DISP1: variants seen among roughly 807,000 people sequenced by gnomAD.
The protein encoded by DISP1 is protein dispatched homolog 1.
DISP1 carries 30 observed loss-of-function variants against 37.3 expected under a neutral mutation model. The ratio of observed to expected loss-of-function variants is 0.80; its 90% confidence interval spans 0.60 to 1.09. The LOEUF (loss-of-function observed/expected upper bound fraction) is 1.09. Among genes scored for constraint, DISP1 ranks in the 50% least tolerant of loss-of-function variants. DISP1 has a pLI of 0.00. For synonymous variants in DISP1, 634 were observed against 690.2 expected, an observed-to-expected ratio of 0.92 and a Z score of 1.28; for missense variants, 1,598 against 1,879.5, an observed-to-expected ratio of 0.85 and a Z score of 2.77.
At chr1:222,997,856 C>T (rs1679182602) in intron 8 of DISP1, among the ~76,000 whole-genome samples, 1 of 152,050 alleles carries the variant, frequency 6.6e-6, no homozygotes, top group African/African-American at 2.4e-5. Context: ...GAGAAACAGA[C>T]TCAAGACATG....
At chr1:222,999,105 G>T (rs530932832) in intron 8 of DISP1, among the ~76,000 whole-genome samples, 1 of 152,100 alleles carries the variant, frequency 6.6e-6, no homozygotes, top group African/African-American at 2.4e-5. Flanking sequence ...ACTCTCTGCT[G>T]GTTTCTTCTT....
intron 2 of DISP1, among the ~76,000 whole-genome samples, chr1:222,932,515 A>G (rs1419390054): frequency 1.3e-5 from 2 of 151,978 alleles, no homozygotes; most frequent in African/African-American, 4.8e-5. Context: ...ATTTTTTTAA[A>G]GTGACCATTG....
At chr1:222,930,829 G>C (rs1320802349) in intron 2 of DISP1, among the ~76,000 whole-genome samples, 2 of 152,010 alleles carry the variant, frequency 1.3e-5, no homozygotes, top group African/African-American at 4.8e-5. Context: ...ATTCAAGTAA[G>C]AATAAAGTCT....
At position 223,002,928 on chromosome 1, in the gene DISP1, A is replaced by G. The variant is rs758853373; in HGVS notation, c.1531A>G (p.Ile511Val). The change falls in exon 9 of 9, where the codon ATT becomes GTT. Residue 511 changes from isoleucine to valine, a missense_variant. Physicochemically the swap from Ile to Val is conservative, Grantham distance 29. Coordinates refer to ENST00000675850, the MANE Select transcript of DISP1 (RefSeq NM_001377229.1). ...LMDTVYPAIA[I>V]VIVLLVMCVY... ...GGATACTGTGTATCCTGCCATAGCC[A>G]TTGTGATTGTCCTTTTAGTTATGTG... 13 of 1,613,888 alleles carry G rather than the reference A, an allele frequency of 8.1e-6. 1 individual carries two copies. In the South Asian group the frequency reaches 1.4e-4, roughly 18 times the overall value.
intron 5 of DISP1, 129 bp downstream of exon 5, chr1:222,990,877 G>C: frequency 7.9e-7 from 1 of 1,271,918 alleles, no homozygotes; most frequent in Non-Finnish European, 1.1e-6. Flanking sequence ...TTCTCTTTCT[G>C]AAAAGTAAAG....
chr1:222,868,131 G>A (rs74468468), intron 1 of DISP1, among the ~76,000 whole-genome samples: 3,137 of 151,966 alleles, frequency 0.021, 94 homozygotes, highest in African/African-American at 0.065. Context: ...GACTATAGTC[G>A]CAGCTACTTG....
At chr1:222,972,839 G>A (rs1677058529) in intron 3 of DISP1, among the ~76,000 whole-genome samples, 1 of 151,992 alleles carries the variant, frequency 6.6e-6, no homozygotes, top group South Asian at 2.1e-4. Flanking sequence ...ATATTTTCCT[G>A]GCAAATTGTC....
At chr1:222,881,487 C>T (rs1670278013) in intron 1 of DISP1, among the ~76,000 whole-genome samples, 1 of 152,166 alleles carries the variant, frequency 6.6e-6, no homozygotes. Flanking sequence ...TGAGCCACCG[C>T]CGCTGGCCTA....
At chr1:222,975,499 A>G (rs1297758401) in intron 3 of DISP1, among the ~76,000 whole-genome samples, 1 of 152,232 alleles carries the variant, frequency 6.6e-6, no homozygotes, top group Non-Finnish European at 1.5e-5. Context: ...AAAGAAACAG[A>G]CAATTTGGAG....
intron 1 of DISP1, among the ~76,000 whole-genome samples, chr1:222,923,956 A>C (rs936179775): frequency 2.0e-5 from 3 of 152,296 alleles, no homozygotes; most frequent in Admixed American, 6.5e-5. Flanking sequence ...GACATGGATA[A>C]AGACTCTAGA....
At chr1:222,919,341 G>T (rs557004984) in intron 1 of DISP1, among the ~76,000 whole-genome samples, 1 of 150,074 alleles carries the variant, frequency 6.7e-6, no homozygotes, top group Non-Finnish European at 1.5e-5. Flanking sequence ...GTCACGCCCC[G>T]AGCGCAGTGT....
chr1:222,875,843 A>AG (rs1489877059), intron 1 of DISP1, among the ~76,000 whole-genome samples: 1 of 145,246 alleles, frequency 6.9e-6, no homozygotes. Flanking sequence ...AAAAAAAAAA[A>AG]AAAGAAAGAA....
chr1:222,992,374 G>A (rs1678765382), intron 7 of DISP1, among the ~76,000 whole-genome samples: 1 of 152,114 alleles, frequency 6.6e-6, no homozygotes, highest in Admixed American at 6.5e-5. Context: ...TAAATCTAAT[G>A]AAATTCTTGA....
At chr1:222,992,194 C>T (rs1034179443) in intron 7 of DISP1, 84 bp downstream of exon 7, 15 of 1,099,894 alleles carry the variant, frequency 1.4e-5, no homozygotes, top group South Asian at 5.2e-5. Flanking sequence ...GACTGATAGC[C>T]GTGTGTGGCT....
At chr1:222,901,501 GTTTGTTTGTTTGTTTGTTTT>G (rs1671580135) in intron 1 of DISP1, among the ~76,000 whole-genome samples, 1 of 149,408 alleles carries the variant, frequency 6.7e-6, no homozygotes, top group Non-Finnish European at 1.5e-5. Flanking sequence ...ATAGATTTTT[GTTTGTTTGTTTGTTTGTTTT>G]TTTGTTTGTT....
rs75403371 is a variant in DISP1 at position 222,958,007 on chromosome 1, T to C, written c.509+14675T>C. Among the ~76,000 whole-genome samples, 6 of 152,350 alleles carry C rather than the reference T, an allele frequency of 3.9e-5. No homozygotes were observed. The East Asian group carries it at 1.2e-3, about 29-fold the overall frequency. ...TATGCAGAAAACCTATTTTTGAAGG[T>C]AACATCACGTAGAAATGCCTTCTTC... On this transcript the variant is annotated intron_variant, in intron 3 of 8. Coordinates refer to ENST00000675850, the MANE Select transcript of DISP1 (RefSeq NM_001377229.1).
intron 1 of DISP1, among the ~76,000 whole-genome samples, chr1:222,840,208 T>A (rs1161664965): frequency 6.6e-6 from 1 of 152,140 alleles, no homozygotes; most frequent in Non-Finnish European, 1.5e-5. Flanking sequence ...GGGACCACTG[T>A]ATAAATTTAA....
chr1:222,926,932 T>A lies in DISP1; in HGVS notation c.-158-1498T>A, dbSNP rs1673118925. On this transcript the variant is annotated intron_variant, in intron 1 of 8. Coordinates refer to ENST00000675850, the MANE Select transcript of DISP1 (RefSeq NM_001377229.1). ...TTTTTCACCGCTCTGCCAATTCACATGTCTGAATGACTGTGAAAGCACCAT... is the reference window on the plus strand; with the variant it reads ...TTTTTCACCGCTCTGCCAATTCACAAGTCTGAATGACTGTGAAAGCACCAT... Among the ~76,000 whole-genome samples, 2 of 152,166 alleles carry A rather than the reference T, an allele frequency of 1.3e-5. 1 individual carries two copies. The highest frequency in any genetic ancestry group is 4.1e-4 in the South Asian group (2 of 4,824).
chr1:222,941,643 A>T (rs552477184), intron 2 of DISP1, among the ~76,000 whole-genome samples: 1 of 152,254 alleles, frequency 6.6e-6, no homozygotes, highest in Non-Finnish European at 1.5e-5. Flanking sequence ...CAGTTTACAT[A>T]CTGGGTGAAA....
Sources: gnomAD v4.1 joint callset for allele counts (sites outside exome capture counted in the v4.1 genomes callset) on GRCh38, gnomAD v4.1.1 for gene constraint, MANE v1.5 for transcripts, NCBI Gene and HGNC (gene_info 2026-07-23, HGNC 2026-07-21) for gene names.